Variants in GREM2 observed in about 807,000 individuals in gnomAD.
GREM2 encodes the protein gremlin 2, DAN family BMP antagonist.
GREM2 carries 11 observed loss-of-function variants against 14.2 expected under a neutral mutation model. The ratio of observed to expected loss-of-function variants is 0.78; its 90% CI spans 0.49 to 1.28. GREM2 has a LOEUF of 1.28. Ranked by LOEUF, GREM2 falls within the 50% of genes most tolerant of loss-of-function variation. GREM2 has a pLI of 0.00. For synonymous variants in GREM2, 98 were observed against 97.6 expected (o/e 1.00, Z -0.02); for missense variants, 210 against 218.5 (o/e 0.96, Z 0.24).
At chr1:240,503,844 A>T (rs1465850122) in intron 1 of GREM2, among the ~76,000 whole-genome samples, 2 of 152,118 alleles carry the variant, frequency 1.3e-5, no homozygotes, top group African/African-American at 4.8e-5. Context: ...TGGTGTAGCT[A>T]TTGTCTGCAC....
chr1:240,539,145 T>C (rs1046632102), intron 1 of GREM2, among the ~76,000 whole-genome samples: 1 of 152,174 alleles, frequency 6.6e-6, no homozygotes, highest in Non-Finnish European at 1.5e-5. Context: ...TGAGCAACTT[T>C]TCCTCACTAG....
intron 1 of GREM2, among the ~76,000 whole-genome samples, chr1:240,587,785 A>G (rs1164658817): frequency 6.6e-6 from 1 of 152,210 alleles, no homozygotes; most frequent in East Asian, 1.9e-4. Context: ...ACAATGCTTA[A>G]TTCTGTGTTT....
chr1:240,513,575 C>CAAAAA (rs5782148), intron 1 of GREM2, among the ~76,000 whole-genome samples: 4 of 110,944 alleles, frequency 3.6e-5, no homozygotes, highest in African/African-American at 6.7e-5. Context: ...ACTCCATCTA[C>CAAAAA]AAAAAAAAAA....
chr1:240,602,031 C>T (rs1047749910), intron 1 of GREM2, among the ~76,000 whole-genome samples: 1 of 152,226 alleles, frequency 6.6e-6, no homozygotes, highest in Non-Finnish European at 1.5e-5. Flanking sequence ...GCAATACCTT[C>T]CAAAACTAGT....
chr1:240,591,491 G>A lies in GREM2; in HGVS notation c.-2+20393C>T, dbSNP rs538349062. Among the ~76,000 whole-genome samples the A allele has an allele frequency of 8.5e-5, 13 of 152,324 alleles. No individual in the cohort carries two copies. The East Asian group carries it at 1.7e-3, about 20-fold the overall frequency. On this transcript the variant is annotated intron_variant, in intron 1 of 1. Transcript: ENST00000318160. ...GGCCCATGTGTACAGAAGAGCTTAC[G>A]TCTTTGGTATTCCTTCCTCACTCAT...
intron 1 of GREM2, among the ~76,000 whole-genome samples, chr1:240,558,036 T>C (rs1678982077): frequency 6.6e-6 from 1 of 152,222 alleles, no homozygotes; most frequent in African/African-American, 2.4e-5. Context: ...TATAATAATG[T>C]ATGCAGTTAA....
At chr1:240,606,824 G>A (rs974936590) in intron 1 of GREM2, among the ~76,000 whole-genome samples, 15 of 151,870 alleles carry the variant, frequency 9.9e-5, no homozygotes, top group African/African-American at 2.4e-4. Context: ...GATTACAGGC[G>A]TGCACCACCA....
chr1:240,595,767 A>G (rs926285612), intron 1 of GREM2, among the ~76,000 whole-genome samples: 3 of 152,132 alleles, frequency 2.0e-5, no homozygotes, highest in African/African-American at 4.8e-5. Flanking sequence ...AAGGATAATA[A>G]TAATACCTGG....
At chr1:240,493,549 T>A (rs1039406879) in intron 1 of GREM2, 73 bp from the exon 2 acceptor site, 6 of 1,437,040 alleles carry the variant, frequency 4.2e-6, no homozygotes, top group Non-Finnish European at 5.5e-6. Flanking sequence ...TTATTTTTTT[T>A]TTTATTTTAG....
chr1:240,541,492 T>C (rs982716046), intron 1 of GREM2, among the ~76,000 whole-genome samples: 7 of 152,234 alleles, frequency 4.6e-5, no homozygotes, highest in African/African-American at 7.2e-5. Flanking sequence ...CTCCTGTACT[T>C]GCCATGTTCA....
chr1:240,549,070 A>G (rs1678792607), intron 1 of GREM2, among the ~76,000 whole-genome samples: 1 of 151,982 alleles, frequency 6.6e-6, no homozygotes, highest in South Asian at 2.1e-4. Context: ...GGCTCGGTGG[A>G]TCATGCCTGT....
chr1:240,537,848 T>C (rs992225181), intron 1 of GREM2, among the ~76,000 whole-genome samples: 4 of 152,190 alleles, frequency 2.6e-5, no homozygotes, highest in African/African-American at 9.7e-5. Context: ...GGTATATTAC[T>C]CTTTTATACA....
intron 1 of GREM2, among the ~76,000 whole-genome samples, chr1:240,610,141 G>A (rs186973691): frequency 2.3e-3 from 347 of 152,014 alleles, no homozygotes; most frequent in African/African-American, 8.2e-3. Context: ...GACAGAAATA[G>A]GTCCCAACTT....
intron 1 of GREM2, among the ~76,000 whole-genome samples, chr1:240,581,608 A>G (rs1679486536): frequency 6.6e-6 from 1 of 152,244 alleles, no homozygotes; most frequent in Admixed American, 6.5e-5. Flanking sequence ...ATTTCTATCA[A>G]AAGTAATTAT....
At chr1:240,609,245 T>A (rs950088551) in intron 1 of GREM2, among the ~76,000 whole-genome samples, 2 of 151,954 alleles carry the variant, frequency 1.3e-5, no homozygotes, top group African/African-American at 4.8e-5. Flanking sequence ...TGGGACTCTG[T>A]TCTACAAATC....
intron 1 of GREM2, among the ~76,000 whole-genome samples, chr1:240,572,250 T>A (rs1033381162): frequency 2.6e-5 from 4 of 152,166 alleles, no homozygotes; most frequent in African/African-American, 9.7e-5. Context: ...ACATTGCCCA[T>A]GGGTTGCAGA....
chr1:240,606,049 G>T (rs1228692482), intron 1 of GREM2, among the ~76,000 whole-genome samples: 1 of 152,054 alleles, frequency 6.6e-6, no homozygotes, highest in Non-Finnish European at 1.5e-5. Flanking sequence ...CAAAAGACTG[G>T]GTTTGTCATT....
In GREM2 at chr1:240,492,284, G is replaced by A. The variant is rs901733333; in HGVS notation, c.*685C>T. 1.4e-5 allele frequency: 6 copies of A among 433,990 alleles called. No homozygotes were observed. Among genetic ancestry groups the A allele is most frequent in the Middle Eastern group, 3.4e-4 (1 of 2,962 alleles). 26.9% of individuals were successfully genotyped at this position (433,990 alleles called of 1,614,324 possible). On this transcript the variant is annotated 3_prime_UTR_variant, in exon 2 of 2. Transcript: ENST00000318160. ...GCGGGGACAGTGAGGAAGAAGAGGC[G>A]GTGGGGACTTGAGGATGGGGGATTG...
At chr1:240,551,728 C>G (rs1474469373) in intron 1 of GREM2, among the ~76,000 whole-genome samples, 5 of 151,910 alleles carry the variant, frequency 3.3e-5, no homozygotes, top group African/African-American at 1.2e-4. Flanking sequence ...AAAAACCTCA[C>G]AGAAATAAGA....
Sources: allele counts gnomAD v4.1 joint callset (sites outside exome capture counted in the v4.1 genomes callset), GRCh38; gene constraint gnomAD v4.1.1; transcripts MANE v1.5; gene names NCBI Gene and HGNC (gene_info 2026-07-23, HGNC 2026-07-21).